The following KIAA0319L variants were observed in gnomAD, a reference collection of about 807,000 sequenced individuals.
KIAA0319L encodes the protein dyslexia-associated protein KIAA0319-like protein.
A neutral mutation model predicts 120.1 loss-of-function variants in KIAA0319L; 55 were observed. The ratio of observed to expected loss-of-function variants is 0.46; its 90% CI spans 0.37 to 0.57. The LOEUF (loss-of-function observed/expected upper bound fraction) is 0.57. KIAA0319L is among the 20% of genes least tolerant of loss of function. KIAA0319L has a pLI of 0.00. For synonymous variants in KIAA0319L, 398 were observed against 471.9 expected, an observed-to-expected ratio of 0.84 and a Z score of 2.03; for missense variants, 1,049 against 1,255.3, an observed-to-expected ratio of 0.84 and a Z score of 2.48.
At chr1:35,548,211 G>C (rs1318593854) in intron 2 of KIAA0319L, among the ~76,000 whole-genome samples, 5 of 151,256 alleles carry the variant, frequency 3.3e-5, no homozygotes, top group Admixed American at 2.0e-4. Context: ...TGTTTGTATT[G>C]AATGAAATTA....
chr1:35,434,268 TA>T lies in KIAA0319L; in HGVS notation c.*625del, dbSNP rs2149062833. The T allele has an allele frequency of 6.6e-6, 1 of 152,112 alleles. No individual in the cohort carries two copies. The highest frequency in any genetic ancestry group is 6.5e-5 in the Admixed American group (1 of 15,280). The allele number at this position is 152,112 out of a possible 1,614,324, so 9.4% of individuals were successfully genotyped here. Reference sequence around the variant, plus strand: ...CCCGGCTAATTTTTTTTTTTATTTTTAGTAGAGATGGGGTTTCACCGTGTTA... The same window carrying T: ...CCCGGCTAATTTTTTTTTTTATTTTTGTAGAGATGGGGTTTCACCGTGTTA... On this transcript the variant is annotated 3_prime_UTR_variant, in exon 21 of 21. Coordinates refer to ENST00000325722, the MANE Select transcript of KIAA0319L (RefSeq NM_024874.5).
chr1:35,532,379 G>A (rs1646404916), intron 2 of KIAA0319L, among the ~76,000 whole-genome samples: 1 of 152,000 alleles, frequency 6.6e-6, no homozygotes, highest in Non-Finnish European at 1.5e-5. Flanking sequence ...AATACGAAAA[G>A]AAAAAAACAG....
chr1:35,544,188 T>C (rs1288606905), intron 2 of KIAA0319L, among the ~76,000 whole-genome samples: 1 of 151,790 alleles, frequency 6.6e-6, no homozygotes. Flanking sequence ...GGCAACACAG[T>C]GAAACCCCAT....
At chr1:35,459,608 A>G (rs1389828496) in intron 9 of KIAA0319L, among the ~76,000 whole-genome samples, 2 of 152,092 alleles carry the variant, frequency 1.3e-5, no homozygotes, top group Non-Finnish European at 2.9e-5. Flanking sequence ...AAAAAAAAAA[A>G]AGAAAATGTG....
At chr1:35,458,514 GA>G (rs200900989) in intron 9 of KIAA0319L, among the ~76,000 whole-genome samples, 3 of 150,568 alleles carry the variant, frequency 2.0e-5, no homozygotes, top group East Asian at 1.9e-4. Flanking sequence ...TGAAGGTTAG[GA>G]AAAAAAAATC....
intron 2 of KIAA0319L, among the ~76,000 whole-genome samples, chr1:35,533,881 A>C (rs558363400): frequency 6.6e-6 from 1 of 152,216 alleles, no homozygotes; most frequent in East Asian, 1.9e-4. Flanking sequence ...CTGCACACCC[A>C]CTAATAAACA....
chr1:35,507,020 C>G lies in KIAA0319L; in HGVS notation c.258G>C (p.Trp86Cys), dbSNP rs1645232033. The G allele has an allele frequency of 6.2e-7, 1 of 1,612,240 alleles. No individual in the cohort carries two copies. The change falls in exon 3 of 21, where the codon TGG becomes TGC. Residue 86 changes from tryptophan (W) to cysteine (C), a missense_variant. Physicochemically the swap from Trp to Cys is radical, Grantham distance 215. Transcript: ENST00000325722. ...LEGTPSLQSC[W>C]AACCQDSACH... ...AGGCAGAGTCCTGGCAGCAGGCAGC[C>G]CAACATGACTGGAGAGAGGGGGTTC... is the stretch of plus-strand genomic sequence containing the variant.
At chr1:35,527,564 G>A (rs986398027) in intron 2 of KIAA0319L, among the ~76,000 whole-genome samples, 1 of 152,062 alleles carries the variant, frequency 6.6e-6, no homozygotes, top group Non-Finnish European at 1.5e-5. Flanking sequence ...TTTTATTATT[G>A]ATTCAATCTT....
At chr1:35,442,478 T>G in intron 18 of KIAA0319L, 142 bp from the exon 19 acceptor site, 1 of 689,762 alleles carries the variant, frequency 1.4e-6, no homozygotes, top group Admixed American at 2.4e-5. Context: ...ACCTTGGAGT[T>G]AAGGGCAGCT....
At chr1:35,542,022 G>C (rs1484673552) in intron 2 of KIAA0319L, among the ~76,000 whole-genome samples, 1 of 152,164 alleles carries the variant, frequency 6.6e-6, no homozygotes, top group Non-Finnish European at 1.5e-5. Flanking sequence ...AGAAGGCCCA[G>C]CTGCCTACCT....
At chr1:35,538,849 A>G (rs1646683287) in intron 2 of KIAA0319L, among the ~76,000 whole-genome samples, 1 of 151,604 alleles carries the variant, frequency 6.6e-6, no homozygotes, top group Admixed American at 6.6e-5. Flanking sequence ...TTTTCAAGTT[A>G]ATTGTAAGTC....
At chr1:35,549,179 T>C (rs1259795771) in intron 2 of KIAA0319L, among the ~76,000 whole-genome samples, 2 of 151,738 alleles carry the variant, frequency 1.3e-5, no homozygotes, top group Non-Finnish European at 2.9e-5. Context: ...GCCTTTCGAG[T>C]AGCTAGGACT....
intron 3 of KIAA0319L, among the ~76,000 whole-genome samples, chr1:35,482,359 G>A (rs1644207673): frequency 6.6e-6 from 1 of 151,422 alleles, no homozygotes; most frequent in Non-Finnish European, 1.5e-5. Context: ...TTCACCTATA[G>A]ATGAACGTTT....
At chr1:35,445,531 C>T (rs1206494228) in intron 16 of KIAA0319L, among the ~76,000 whole-genome samples, 1 of 152,174 alleles carries the variant, frequency 6.6e-6, no homozygotes, top group African/African-American at 2.4e-5. Context: ...ACCTCAAATC[C>T]AACAAGTCTC....
intron 2 of KIAA0319L, among the ~76,000 whole-genome samples, chr1:35,518,095 AG>A (rs1210682358): frequency 7.2e-5 from 11 of 152,252 alleles, no homozygotes; most frequent in Non-Finnish European, 4.4e-5. Context: ...TGCGGAGAAA[AG>A]GAACATTTAT....
At chr1:35,487,859 C>G (rs891393506) in intron 3 of KIAA0319L, among the ~76,000 whole-genome samples, 2 of 152,206 alleles carry the variant, frequency 1.3e-5, no homozygotes, top group African/African-American at 4.8e-5. Context: ...CCTGCTTTTT[C>G]AGCAGGCCTC....
At chr1:35,449,776 C>T in intron 15 of KIAA0319L, 91 bp downstream of exon 15, 2 of 1,399,482 alleles carry the variant, frequency 1.4e-6, no homozygotes, top group Non-Finnish European at 2.0e-6. Flanking sequence ...CCATCTGGCT[C>T]TGTCCATGCT....
In KIAA0319L at chr1:35,554,552, C is replaced by T. The variant is rs781069732; in HGVS notation, c.-28-33G>A. The T allele has an allele frequency of 2.8e-5, 36 of 1,298,310 alleles. No individual in the cohort carries two copies. In the East Asian group the frequency reaches 4.5e-4, roughly 16 times the overall value. 80.4% of individuals were successfully genotyped at this position (1,298,310 alleles called of 1,614,324 possible). On this transcript the variant is annotated intron_variant, in intron 1 of 20. Transcript: ENST00000325722. Reference sequence around the variant, plus strand: ...GACAGAAAGAGAAGAAATTACATGCCGAGTAATTAATAATTAATTCCTGGA... The same window carrying T: ...GACAGAAAGAGAAGAAATTACATGCTGAGTAATTAATAATTAATTCCTGGA...
chr1:35,480,424 T>G (rs1164644249), intron 3 of KIAA0319L, among the ~76,000 whole-genome samples: 2 of 152,082 alleles, frequency 1.3e-5, no homozygotes, highest in Non-Finnish European at 2.9e-5. Context: ...CTTAGAAGAG[T>G]ACTGCTTTCA....
Sources: allele counts gnomAD v4.1 joint callset (sites outside exome capture counted in the v4.1 genomes callset), GRCh38; gene constraint gnomAD v4.1.1; transcripts MANE v1.5; gene names NCBI Gene and HGNC (gene_info 2026-07-23, HGNC 2026-07-21).